The following MYO18B variants were observed in gnomAD, a reference collection of about 807,000 sequenced individuals.
MYO18B encodes myosin XVIIIB.
In MYO18B, 204 loss-of-function variants were observed where a neutral mutation model predicts 273.0. That is an observed-to-expected ratio of 0.75 (90% confidence interval 0.67 to 0.84). The LOEUF (loss-of-function observed/expected upper bound fraction) is 0.84. Among genes scored for constraint, MYO18B ranks in the 40% least tolerant of loss-of-function variants. MYO18B has a pLI of 0.00. For missense variants in MYO18B, 3,212 were observed against 3,287.6 expected (o/e 0.98, Z 0.56); for synonymous variants, 1,330 against 1,305.7 (o/e 1.02, Z -0.40).
chr22:26,017,420 C>G lies in MYO18B; in HGVS notation c.6471-9025C>G, dbSNP rs1366260650. 2.0e-5 allele frequency among the ~76,000 whole-genome samples: 3 copies of G among 151,722 alleles called. No homozygotes were observed. In the East Asian group the frequency reaches 5.8e-4, roughly 29 times the overall value. On this transcript the variant is annotated intron_variant, in intron 42 of 43. Transcript: ENST00000335473. ...TCTCCCTTCTCTTTTCCTTTCCTTC[C>G]CCTTATGAAAACAAGTTGACAACAT...
At chr22:25,885,638 C>T (rs1036716445) in intron 25 of MYO18B, among the ~76,000 whole-genome samples, 1 of 152,026 alleles carries the variant, frequency 6.6e-6, no homozygotes, top group Non-Finnish European at 1.5e-5. Flanking sequence ...CGCAGGGGGT[C>T]AGGAGAATCA....
the MYO18B span, among the ~76,000 whole-genome samples, chr22:26,053,393 GA>G: frequency 0.017 from 2,549 of 152,300 alleles, 83 homozygotes; most frequent in African/African-American, 0.059. Flanking sequence ...AAAAACAGAG[GA>G]AAGTGGTTCA....
At chr22:26,056,763 A>C in the MYO18B span, among the ~76,000 whole-genome samples, 1 of 152,204 alleles carries the variant, frequency 6.6e-6, no homozygotes, top group Non-Finnish European at 1.5e-5. Context: ...ACCAGGGAAG[A>C]ATCTGTGATT....
At chr22:26,049,474 T>C in the MYO18B span, among the ~76,000 whole-genome samples, 1 of 152,348 alleles carries the variant, frequency 6.6e-6, no homozygotes, top group South Asian at 2.1e-4. Flanking sequence ...GGGAGTACAG[T>C]AAGTTTATTC....
rs1439398160 is a variant in MYO18B, at chr22:25,789,099, T to G, written c.2376+3608T>G. ...TCCTTCTTCTTCCTCCTCCTTCTTC[T>G]TCCTCCTCCTCCTCCTCCTCCTCCT... is the stretch of plus-strand genomic sequence containing the variant. On this transcript the variant is annotated intron_variant, in intron 11 of 43. Transcript: ENST00000335473. 3.9e-5 allele frequency among the ~76,000 whole-genome samples: 3 copies of G among 77,094 alleles called. No individual in the cohort carries two copies. The East Asian group carries it at 5.4e-3, about 139-fold the overall frequency. 50.6% of individuals were successfully genotyped at this position (77,094 alleles called of 152,430 possible).
At chr22:25,891,004 C>T (rs1274980450) in intron 26 of MYO18B, 129 bp downstream of exon 26, 1 of 1,358,216 alleles carries the variant, frequency 7.4e-7, no homozygotes, top group Admixed American at 2.3e-5. Context: ...CTGCTGGGCT[C>T]AAGGTCCTGG....
intron 27 of MYO18B, chr22:25,892,135 C>G (rs1319985216): frequency 1.3e-5 from 2 of 152,228 alleles, no homozygotes; most frequent in Non-Finnish European, 2.9e-5. Flanking sequence ...CAGTTTCTTC[C>G]TCTTTCAAAT....
At chr22:25,845,080 G>A (rs1354993460) in intron 18 of MYO18B, among the ~76,000 whole-genome samples, 1 of 152,168 alleles carries the variant, frequency 6.6e-6, no homozygotes, top group African/African-American at 2.4e-5. Flanking sequence ...CTGAGAAATG[G>A]GAATGAGGTT....
At chr22:25,924,438 C>G (rs931399813) in intron 34 of MYO18B, among the ~76,000 whole-genome samples, 6 of 152,104 alleles carry the variant, frequency 3.9e-5, no homozygotes, top group African/African-American at 1.4e-4. Flanking sequence ...GCGGTGGTAC[C>G]CACCGTCATA....
Position 25,921,247 on chromosome 22 carries a change from T to G in MYO18B, c.5365-10T>G. On this transcript the variant is annotated splice_polypyrimidine_tract_variant and intron_variant, in intron 33 of 43. Coordinates refer to ENST00000335473, the MANE Select transcript of MYO18B (RefSeq NM_032608.7). Reference sequence around the variant, plus strand: ...CCACCTAAGCTCATGGGTCTCCCTTTGGCTTTCAGATTGGCCATCGGGACT... The same window carrying G: ...CCACCTAAGCTCATGGGTCTCCCTTGGGCTTTCAGATTGGCCATCGGGACT... 1 of 1,549,446 alleles carries G rather than the reference T, an allele frequency of 6.5e-7. No homozygotes were observed. The highest frequency in any genetic ancestry group is 1.4e-5 in the African/African-American group (1 of 73,134).
At position 26,024,175 on chromosome 22, in the gene MYO18B, G is replaced by A. The variant is rs1457389272; in HGVS notation, c.6471-2270G>A. 2.0e-5 allele frequency among the ~76,000 whole-genome samples: 3 copies of A among 152,174 alleles called. No individual in the cohort carries two copies. The East Asian group carries it at 5.8e-4, about 29-fold the overall frequency. On this transcript the variant is annotated intron_variant, in intron 42 of 43. Transcript: ENST00000335473. ...GTTCTGGAGATTCAGAAATTAAATAGTAGTAATATTGATTGCCTTTAATTA... is the reference window on the plus strand; with the variant it reads ...GTTCTGGAGATTCAGAAATTAAATAATAGTAATATTGATTGCCTTTAATTA...
At chr22:25,876,382 G>A (rs2091199443) in intron 24 of MYO18B, 50 bp downstream of exon 24, 2 of 1,544,810 alleles carry the variant, frequency 1.3e-6, no homozygotes, top group Admixed American at 1.9e-5. Flanking sequence ...CCCACACCCT[G>A]CTCCTCCTGT....
At chr22:25,956,821 C>T (rs1470159113) in intron 39 of MYO18B, among the ~76,000 whole-genome samples, 1 of 152,144 alleles carries the variant, frequency 6.6e-6, no homozygotes, top group African/African-American at 2.4e-5. Context: ...CGCTCTGGTG[C>T]TGTGAGAGGT....
chr22:25,829,591 C>A (rs1457017299), intron 15 of MYO18B, among the ~76,000 whole-genome samples: 1 of 151,714 alleles, frequency 6.6e-6, no homozygotes, highest in Non-Finnish European at 1.5e-5. Flanking sequence ...TTAATCCCAG[C>A]ACTTTGGGAG....
chr22:25,759,455 T>C (rs1395267234), intron 1 of MYO18B, among the ~76,000 whole-genome samples: 1 of 151,106 alleles, frequency 6.6e-6, no homozygotes. Context: ...CTCACTCAAA[T>C]AGGAGTTGAA....
At chr22:25,849,360 C>T (rs1187282116) in intron 20 of MYO18B, among the ~76,000 whole-genome samples, 1 of 152,166 alleles carries the variant, frequency 6.6e-6, no homozygotes, top group African/African-American at 2.4e-5. Flanking sequence ...TGGTTCATTT[C>T]CTCTTTTTAT....
At chr22:26,040,002 T>C in the MYO18B span, among the ~76,000 whole-genome samples, 4 of 152,180 alleles carry the variant, frequency 2.6e-5, no homozygotes, top group Admixed American at 1.3e-4. Context: ...TTTTTTATAC[T>C]TTTTTTGTAG....
In MYO18B at chr22:25,828,929, C is replaced by T. The variant is rs746885257; in HGVS notation, c.2940C>T (p.Tyr980=). Residue 980 remains tyrosine, a synonymous_variant, in exon 15 of 44, where the codon TAC becomes TAT. Transcript: ENST00000335473. ...YAHERLQLLF[Y]QRTFVSTLQR... ...ATGAGCGCCTGCAGCTGCTGTTCTACCAGCGGACCTTTGTCTCCACGCTAC... is the reference window on the plus strand; with the variant it reads ...ATGAGCGCCTGCAGCTGCTGTTCTATCAGCGGACCTTTGTCTCCACGCTAC... 3.2e-5 allele frequency: 51 copies of T among 1,613,908 alleles called. No homozygotes were observed. In the Admixed American group the frequency reaches 8.2e-4, roughly 26 times the overall value.
intron 12 of MYO18B, among the ~76,000 whole-genome samples, chr22:25,809,317 T>A (rs975575264): frequency 4.6e-5 from 7 of 152,136 alleles, no homozygotes; most frequent in African/African-American, 1.7e-4. Flanking sequence ...AGAATCAGAC[T>A]ATTGGTCCAC....
Sources: gnomAD v4.1 joint callset for allele counts (sites outside exome capture counted in the v4.1 genomes callset) on GRCh38, gnomAD v4.1.1 for gene constraint, MANE v1.5 for transcripts, NCBI Gene and HGNC (gene_info 2026-07-23, HGNC 2026-07-21) for gene names.